Variants in ACSS2 observed in about 807,000 individuals in gnomAD.
ACSS2 encodes the protein acyl-CoA synthetase short chain family member 2, also known as acetyl-coenzyme A synthetase, cytoplasmic.
Under a neutral mutation model 90.6 loss-of-function variants are expected in ACSS2, and 58 were observed. The observed-to-expected ratio is 0.64, with a 90% CI of 0.52 to 0.80. The LOEUF (loss-of-function observed/expected upper bound fraction) is 0.80, where lower values mean the gene tolerates loss of function less well. ACSS2 is among the 30% of genes least tolerant of loss of function. ACSS2 has a pLI of 0.00. For synonymous variants in ACSS2, 300 were observed against 330.9 expected, an observed-to-expected ratio of 0.91 and a Z score of 1.01; for missense variants, 759 against 912.0, an observed-to-expected ratio of 0.83 and a Z score of 2.16.
intron 14 of ACSS2, 23 bp from the exon 15 acceptor site, chr20:34,925,675 T>C (rs1210343146): frequency 6.2e-7 from 1 of 1,608,012 alleles, no homozygotes; most frequent in African/African-American, 1.3e-5. Context: ...TTTTTATTTA[T>C]TAGGTTTTGC....
chr20:34,906,250 G>T (rs1337275876), intron 2 of ACSS2, among the ~76,000 whole-genome samples: 1 of 151,536 alleles, frequency 6.6e-6, no homozygotes, highest in Non-Finnish European at 1.5e-5. Flanking sequence ...CAGGAGAATG[G>T]CGTGAACCTA....
At position 34,926,061 on chromosome 20, in the gene ACSS2, A is replaced by G. The variant is rs1175271236; in HGVS notation, c.1727-44A>G. ...GTACAGATGGAGCATGGGCTGGGGC[A>G]GAGCCTGGGATCTCTCTCATGGCAC... On this transcript the variant is annotated intron_variant, in intron 15 of 17. Transcript: ENST00000360596. 4.4e-6 allele frequency: 7 copies of G among 1,606,412 alleles called. No homozygotes were observed. The Middle Eastern group carries it at 5.0e-4, about 116-fold the overall frequency.
At chr20:34,890,479 C>G (rs138801014) in intron 2 of ACSS2, among the ~76,000 whole-genome samples, 1 of 152,026 alleles carries the variant, frequency 6.6e-6, no homozygotes, top group Non-Finnish European at 1.5e-5. Context: ...AGGGAGTTAG[C>G]TAGTTGAAGG....
At chr20:34,894,650 C>T (rs2080421222) in intron 2 of ACSS2, among the ~76,000 whole-genome samples, 1 of 151,962 alleles carries the variant, frequency 6.6e-6, no homozygotes, top group African/African-American at 2.4e-5. Flanking sequence ...GGGTGAGACC[C>T]TGTCTCAAAA....
intron 16 of ACSS2, 51 bp from the exon 17 acceptor site, chr20:34,926,824 GAA>G (rs1555886947): frequency 1.4e-5 from 22 of 1,598,390 alleles, no homozygotes; most frequent in Non-Finnish European, 1.5e-5. Flanking sequence ...TTTGATTTTT[GAA>G]AAGTCTGGCT....
At chr20:34,885,765 A>G (rs142036318) in intron 2 of ACSS2, among the ~76,000 whole-genome samples, 10 of 152,314 alleles carry the variant, frequency 6.6e-5, no homozygotes, top group Non-Finnish European at 1.5e-4. Context: ...TGGAACACCC[A>G]CTGGGGAAGC....
At chr20:34,899,399 T>TTTCC (rs1461417179) in intron 2 of ACSS2, among the ~76,000 whole-genome samples, 3 of 94,928 alleles carry the variant, frequency 3.2e-5, no homozygotes, top group Admixed American at 1.8e-4. Context: ...TCTTTCTTTC[T>TTTCC]TTCCTTCTTT....
chr20:34,879,139 C>A (rs6579198), intron 1 of ACSS2, among the ~76,000 whole-genome samples: 12,072 of 151,648 alleles, frequency 0.08, 1,632 homozygotes, highest in African/African-American at 0.28. Context: ...CTCCTGACCT[C>A]GTGATCCGCC....
At chr20:34,892,987 A>G (rs574153649) in intron 2 of ACSS2, among the ~76,000 whole-genome samples, 5 of 152,150 alleles carry the variant, frequency 3.3e-5, no homozygotes, top group Non-Finnish European at 7.3e-5. Flanking sequence ...CCCTGGATAT[A>G]CTTTAGTTGG....
chr20:34,878,534 C>T (rs2079982434), intron 1 of ACSS2, among the ~76,000 whole-genome samples: 1 of 152,132 alleles, frequency 6.6e-6, no homozygotes, highest in Non-Finnish European at 1.5e-5. Flanking sequence ...TAGTCTGATA[C>T]AATATAAATC....
At chr20:34,883,805 TC>T (rs1378179200) in intron 2 of ACSS2, among the ~76,000 whole-genome samples, 2 of 152,196 alleles carry the variant, frequency 1.3e-5, no homozygotes, top group African/African-American at 2.4e-5. Flanking sequence ...AGACTGCTTC[TC>T]CCAGGAATTT....
At chr20:34,926,382 C>G (rs1050992941) in intron 16 of ACSS2, 101 bp downstream of exon 16, 4 of 1,349,072 alleles carry the variant, frequency 3.0e-6, no homozygotes, top group Non-Finnish European at 4.0e-6. Flanking sequence ...CTCCCCAAAC[C>G]ACAAACAGAT....
intron 14 of ACSS2, 39 bp from the exon 15 acceptor site, chr20:34,925,659 G>T (rs58808978): frequency 2.2e-5 from 35 of 1,591,572 alleles, no homozygotes; most frequent in Non-Finnish European, 3.0e-5. Flanking sequence ...GTATCCTACC[G>T]TAGGGTTTTT....
intron 7 of ACSS2, among the ~76,000 whole-genome samples, chr20:34,918,747 G>T (rs539359951): frequency 6.6e-6 from 1 of 152,328 alleles, no homozygotes; most frequent in South Asian, 2.1e-4. Context: ...AGGGTCAGGT[G>T]CCCACCTCAC....
At chr20:34,895,189 T>G (rs2080433302) in intron 2 of ACSS2, among the ~76,000 whole-genome samples, 1 of 152,160 alleles carries the variant, frequency 6.6e-6, no homozygotes, top group East Asian at 1.9e-4. Context: ...ATTTAAAAAT[T>G]GCAAAAAATC....
In ACSS2 at chr20:34,921,886, G is replaced by A. The variant is rs780784387; in HGVS notation, c.1548+20G>A. The A allele has an allele frequency of 4.4e-6, 7 of 1,605,682 alleles. No individual in the cohort carries two copies. Among genetic ancestry groups the A allele is most frequent in the South Asian group, 2.2e-5 (2 of 89,796 alleles). ...TATCTGGTGAGGCCCTGGCCCTTGG[G>A]AGTCTTTAAGGAGAGAGGGAAAGGG... On this transcript the variant is annotated intron_variant, in intron 13 of 17. Coordinates refer to ENST00000360596, the MANE Select transcript of ACSS2 (RefSeq NM_018677.4).
At chr20:34,920,847 G>T (rs2081180680) in intron 9 of ACSS2, 138 bp downstream of exon 9, 1 of 1,459,518 alleles carries the variant, frequency 6.9e-7, no homozygotes. Context: ...TCCTGAGGGG[G>T]TTGCGTATCC....
rs776841902 is a variant in ACSS2 at position 34,876,732 on chromosome 20, G to T, written c.87G>T (p.Trp29Cys). 3.5e-6 allele frequency: 5 copies of T among 1,441,260 alleles called. No individual in the cohort carries two copies. The highest frequency in any genetic ancestry group is 1.4e-5 in the South Asian group (1 of 72,236). The allele number at this position is 1,441,260 out of a possible 1,614,324, so 89.3% of individuals were successfully genotyped here. A position where few individuals can be genotyped will look rare whatever the true frequency, so the allele number is the denominator to read the frequency against. The part of the protein sequence containing the change: ...EAGAGGRARS[W>C]SPPPEVSRSA... Reference sequence around the variant, plus strand: ...GAGCCGGAGGCCGGGCGCGGAGTTGGTCTCCGCCGCCCGAGGTCAGCCGCT... The same window carrying T: ...GAGCCGGAGGCCGGGCGCGGAGTTGTTCTCCGCCGCCCGAGGTCAGCCGCT... The change falls in exon 1 of 18, where the codon TGG becomes TGT. Residue 29 changes from tryptophan (W) to cysteine (C), a missense_variant. Trp to Cys is a radical substitution (Grantham distance 215). Transcript: ENST00000360596.
Position 34,927,369 on chromosome 20 carries a change from C to T in ACSS2, c.*155C>T, listed in dbSNP as rs1461043066. 158 of 1,026,342 alleles carry T rather than the reference C, an allele frequency of 1.5e-4. 1 individual carries two copies. In the Admixed American group the frequency reaches 2.2e-3, roughly 14 times the overall value. The allele number at this position is 1,026,342 out of a possible 1,614,324, so 63.6% of individuals were successfully genotyped here. On this transcript the variant is annotated 3_prime_UTR_variant, in exon 18 of 18. Transcript: ENST00000360596. This position sits in a 1 kb window ranked among gnomAD's most constrained non-coding sequence, Gnocchi z 4.2. ...AACCAGCTTTGTCTCCAGGTAGAGACAACATCCTGTGACTGCCAGGCAGAA... is the reference window on the plus strand; with the variant it reads ...AACCAGCTTTGTCTCCAGGTAGAGATAACATCCTGTGACTGCCAGGCAGAA...
Sources: gnomAD v4.1 joint callset for allele counts (sites outside exome capture counted in the v4.1 genomes callset) on GRCh38, gnomAD v4.1.1 for gene constraint, Gnocchi (gnomAD v3.1) non-coding constraint, MANE v1.5 for transcripts, NCBI Gene and HGNC (gene_info 2026-07-23, HGNC 2026-07-21) for gene names.